CCDC88C: variants seen among roughly 807,000 people sequenced by gnomAD.
The protein encoded by CCDC88C is coiled-coil and HOOK domain protein 88C.
CCDC88C carries 131 observed loss-of-function variants against 198.8 expected under a neutral mutation model. That is an observed-to-expected ratio of 0.66 (90% confidence interval 0.57 to 0.76). The LOEUF is 0.76. Among genes scored for constraint, CCDC88C ranks in the 30% least tolerant of loss-of-function variants. CCDC88C has a pLI of 0.00. For missense variants in CCDC88C, 2,553 were observed against 2,631.6 expected, an observed-to-expected ratio of 0.97 and a Z score of 0.65; for synonymous variants, 1,166 against 1,114.7, an observed-to-expected ratio of 1.05 and a Z score of -0.92.
intron 6 of CCDC88C, among the ~76,000 whole-genome samples, chr14:91,341,246 T>G (rs1162844697): frequency 6.6e-6 from 1 of 152,046 alleles, no homozygotes; most frequent in African/African-American, 2.4e-5. Context: ...GACCCAATGC[T>G]GGGGAAACTC....
intron 3 of CCDC88C, among the ~76,000 whole-genome samples, chr14:91,392,446 G>A (rs1885563530): frequency 6.6e-6 from 1 of 152,120 alleles, no homozygotes; most frequent in Admixed American, 6.5e-5. Flanking sequence ...TTTTCAAGGG[G>A]AAAGAGAAAC....
chr14:91,324,702 C>A, intron 12 of CCDC88C, 77 bp downstream of exon 12: 1 of 1,545,888 alleles, frequency 6.5e-7, no homozygotes. Flanking sequence ...ATGGCAGATT[C>A]AGAGCCCAGG....
rs375689439 is a variant in CCDC88C at position 91,278,187 on chromosome 14, C to T, written c.4793G>A (p.Arg1598Gln). The T allele has an allele frequency of 2.5e-5, 41 of 1,608,956 alleles. No individual in the cohort carries two copies. The African/African-American group carries it at 2.9e-4, about 12-fold the overall frequency. The part of the protein sequence containing the change: ...LKGSSEQLHG[R>Q]SESFSSEDLI... ...GTCTTCGCTGCTGAAGCTCTCAGAC[C>T]GGCCATGGAGCTGCTCGGAGGAGCC... Residue 1598 changes from arginine to glutamine, a missense_variant, in exon 29 of 30, where the codon CGG (arginine) becomes CAG (glutamine). Arg to Gln is a conservative substitution (Grantham distance 43). This residue lies in a region of CCDC88C where 1,293 missense variants were observed against 1,219.6 expected (regional missense o/e 1.06). Coordinates refer to ENST00000389857, the MANE Select transcript of CCDC88C (RefSeq NM_001080414.4).
chr14:91,386,438 G>A (rs943685148), intron 3 of CCDC88C, among the ~76,000 whole-genome samples: 2 of 152,224 alleles, frequency 1.3e-5, no homozygotes, highest in East Asian at 1.9e-4. Flanking sequence ...TCCGGCCCGG[G>A]AAACAAGAGT....
chr14:91,327,472 A>G (rs575212410), intron 10 of CCDC88C, among the ~76,000 whole-genome samples: 3 of 152,308 alleles, frequency 2.0e-5, no homozygotes, highest in Admixed American at 2.0e-4. Context: ...CCTGCCTTAC[A>G]GTGGCCCTCA....
chr14:91,410,340 AT>A (rs1420272526), intron 2 of CCDC88C, among the ~76,000 whole-genome samples: 1 of 152,224 alleles, frequency 6.6e-6, no homozygotes, highest in African/African-American at 2.4e-5. Context: ...AGACCCCGTG[AT>A]GAAGGTGCTG....
At position 91,339,071 on chromosome 14, in the gene CCDC88C, G is replaced by A. The variant is rs898392324; in HGVS notation, c.809+207C>T. ...GACGGGAGGAAACCCTGAAGACCGG[G>A]AAGAATCCCCGCCCCCATCCCTGTG... On this transcript the variant is annotated intron_variant, in intron 8 of 29. Coordinates refer to ENST00000389857, the MANE Select transcript of CCDC88C (RefSeq NM_001080414.4). This position sits in a 1 kb window ranked among gnomAD's most constrained non-coding sequence, Gnocchi z 5.8. 1.5e-6 allele frequency: 1 copy of A among 664,294 alleles called. No homozygotes were observed. The highest frequency in any genetic ancestry group is 1.8e-5 in the African/African-American group (1 of 56,582). 41.1% of individuals were successfully genotyped at this position (664,294 alleles called of 1,614,324 possible).
Position 91,305,814 on chromosome 14 carries a change from A to AAGGCGC in CCDC88C, c.3302_3307dup (p.Ala1102_Phe1103insCysAla), listed in dbSNP as rs747436240. On this transcript the variant is annotated inframe_insertion, in exon 19 of 30. Transcript: ENST00000389857. Reference sequence around the variant, plus strand: ...CAGTGTGGTGTTGTGCTCCTGCAGGAAGGCGCTCTGTTTCTGCAGTGTCAA... The same window carrying AAGGCGC: ...CAGTGTGGTGTTGTGCTCCTGCAGGAAGGCGCAGGCGCTCTGTTTCTGCAGTGTCAA... The AAGGCGC allele has an allele frequency of 1.2e-6, 2 of 1,613,774 alleles. No individual in the cohort carries two copies. Among genetic ancestry groups the AAGGCGC allele is most frequent in the East Asian group, 4.5e-5 (2 of 44,876 alleles).
At chr14:91,357,973 C>T (rs1045959559) in intron 4 of CCDC88C, among the ~76,000 whole-genome samples, 1 of 152,206 alleles carries the variant, frequency 6.6e-6, no homozygotes, top group Non-Finnish European at 1.5e-5. Flanking sequence ...CCAGGGGTGG[C>T]CTCTGCAGGG....
chr14:91,282,644 C>A (rs1174180718), intron 26 of CCDC88C, among the ~76,000 whole-genome samples: 1 of 152,122 alleles, frequency 6.6e-6, no homozygotes, highest in East Asian at 1.9e-4. Context: ...TAATCTCATG[C>A]CTAAAGATGT....
intron 23 of CCDC88C, among the ~76,000 whole-genome samples, chr14:91,293,103 G>GGCCCACCTTCCCGTCCTCACTTGCCACA (rs1567054607): frequency 2.1e-4 from 2 of 9,712 alleles, no homozygotes; most frequent in Admixed American, 2.3e-3. Flanking sequence ...CACCTGCCAC[G>GGCCCACCTTCCCGTCCTCACTTGCCACA]GCCCACCTTC....
At chr14:91,357,538 T>C (rs1894093002) in intron 4 of CCDC88C, among the ~76,000 whole-genome samples, 1 of 152,212 alleles carries the variant, frequency 6.6e-6, no homozygotes, top group Admixed American at 6.5e-5. Context: ...TGTCCCCTCC[T>C]TTTGCTCCTC....
chr14:91,338,020 G>A lies in CCDC88C; in HGVS notation c.1035C>T (p.Tyr345=), dbSNP rs762973386. 21 of 1,612,232 alleles carry A rather than the reference G, an allele frequency of 1.3e-5. No homozygotes were observed. The highest frequency in any genetic ancestry group is 4.5e-5 in the East Asian group (2 of 44,882). The part of the protein sequence containing the change: ...CKEKLHDVDF[Y]KARMEELRED... The stretch of plus-strand genomic sequence containing the variant: ...GGCTCCCTACCTCCATGCGGGCCTT[G>A]TAGAAGTCCACGTCGTGCAGCTTCT... The change falls in exon 10 of 30, where the codon TAC becomes TAT. Residue 345 remains tyrosine, a synonymous_variant. Coordinates refer to ENST00000389857, the MANE Select transcript of CCDC88C (RefSeq NM_001080414.4). This position sits in a 1 kb window ranked among gnomAD's most constrained non-coding sequence, Gnocchi z 4.8.
At position 91,283,407 on chromosome 14, in the gene CCDC88C, G is replaced by A. The variant is rs745458331; in HGVS notation, c.4552C>T (p.Arg1518Trp). 9.3e-6 allele frequency: 15 copies of A among 1,613,644 alleles called. No homozygotes were observed. The highest frequency in any genetic ancestry group is 5.5e-5 in the South Asian group (5 of 91,018). Residue 1518 changes from arginine to tryptophan, a missense_variant, in exon 26 of 30, where the codon CGG becomes TGG. Arg to Trp is a moderately radical substitution (Grantham distance 101). This residue lies in a region of CCDC88C where 1,293 missense variants were observed against 1,219.6 expected (regional missense o/e 1.06). Transcript: ENST00000389857. ...GTGGTGGCTGAAGTTGAGCAAGTCC[G>A]GGAGCCCAGCTCCGAGGGCCAGGAC... ...MRSWPSELGS[R>W]TCSTSATTTA... is the part of the protein sequence containing the mutation.
rs375648532 is a variant in CCDC88C, at chr14:91,313,418, G to A, written c.2398C>T (p.Arg800Trp). ...AGCCGGAGGGCCTCCAGGTCCCGCC[G>A]CAGCGCCTGGCGCTCAGCCTCCAGC... The part of the protein sequence containing the change: ...GELEAERQAL[R>W]RDLEALRLAN... The change falls in exon 15 of 30, where the codon CGG becomes TGG. Residue 800 changes from arginine to tryptophan, a missense_variant. Transcript: ENST00000389857. This position sits in a 1 kb window ranked among gnomAD's most constrained non-coding sequence, Gnocchi z 5.2. The A allele has an allele frequency of 2.4e-5, 39 of 1,606,922 alleles. 1 individual carries two copies. Among genetic ancestry groups the A allele is most frequent in the Admixed American group, 1.0e-4 (6 of 59,860 alleles).
rs1488366869 is a variant in CCDC88C at position 91,303,721 on chromosome 14, C to T, written c.3615G>A (p.Glu1205=). ...LKTLHRNLEL[E]HKELGERHGD... ...CCTACCTCTCCCCGAGCTCCTTGTG[C>T]TCCAGCTCCAGATTCCGATGCAGTG... Residue 1205 remains glutamate, a synonymous_variant, in exon 20 of 30, where the codon GAG becomes GAA. Coordinates refer to ENST00000389857, the MANE Select transcript of CCDC88C (RefSeq NM_001080414.4). The T allele has an allele frequency of 6.3e-7, 1 of 1,599,312 alleles. No homozygotes were observed. Among genetic ancestry groups the T allele is most frequent in the Admixed American group, 1.7e-5 (1 of 57,914 alleles).
chr14:91,310,125 C>G (rs763072430), intron 15 of CCDC88C, 139 bp from the exon 16 acceptor site: 9 of 807,802 alleles, frequency 1.1e-5, no homozygotes, highest in Non-Finnish European at 1.6e-5. Context: ...ACTCTGAACC[C>G]CAGGGATGCT....
intron 23 of CCDC88C, among the ~76,000 whole-genome samples, chr14:91,292,897 T>A (rs1890725032): frequency 6.6e-6 from 1 of 152,112 alleles, no homozygotes; most frequent in Non-Finnish European, 1.5e-5. Context: ...CCAAAACAAC[T>A]CCAGGAATCC....
chr14:91,361,276 A>G (rs1894293569), intron 3 of CCDC88C, among the ~76,000 whole-genome samples: 1 of 152,158 alleles, frequency 6.6e-6, no homozygotes, highest in East Asian at 1.9e-4. Context: ...AGACACAACT[A>G]GTTTCGTAAG....
Sources: gnomAD v4.1 joint callset for allele counts (sites outside exome capture counted in the v4.1 genomes callset) on GRCh38, gnomAD v4.1.1 for gene constraint, gnomAD v4.1.1 regional missense constraint, Gnocchi (gnomAD v3.1) non-coding constraint, MANE v1.5 for transcripts, NCBI Gene and HGNC (gene_info 2026-07-23, HGNC 2026-07-21) for gene names.